Variants in TAF2 observed in about 807,000 individuals in gnomAD.
TAF2 encodes the protein TATA-box binding protein associated factor 2.
A neutral mutation model predicts 138.5 loss-of-function variants in TAF2; 61 were observed. That is an observed-to-expected ratio of 0.44 (90% CI 0.36 to 0.54). TAF2 has a LOEUF of 0.54. Ranked by LOEUF, TAF2 falls within the 20% of genes least tolerant of loss-of-function variation. The probability of loss-of-function intolerance (pLI) is 0.00; values close to 1 mark genes in which losing one functional copy is unlikely to be tolerated. For missense variants in TAF2, 1,090 were observed against 1,427.9 expected (o/e 0.76, Z 3.81); for synonymous variants, 475 against 469.9 (o/e 1.01, Z -0.14).
chr8:119,762,580 A>C lies in TAF2; in HGVS notation c.2393T>G (p.Met798Arg), dbSNP rs1425713518. ...AACAGAGTTGGCCAGGGCATCAATC[A>C]TTTCTGCACGATAATAGTTATCTGA... ...KFSDNYYRAE[M>R]IDALANSVTP... The change falls in exon 19 of 26, where the codon ATG becomes AGG. Residue 798 changes from methionine (M) to arginine (R), a missense_variant. Met to Arg is a moderately conservative substitution (Grantham distance 91, BLOSUM62 -1). Coordinates refer to ENST00000378164, the MANE Select transcript of TAF2 (RefSeq NM_003184.4). The C allele has an allele frequency of 1.2e-6, 2 of 1,613,374 alleles. No individual in the cohort carries two copies. The highest frequency in any genetic ancestry group is 1.7e-5 in the Admixed American group (1 of 60,012).
chr8:119,785,794 G>A (rs1266153046), intron 14 of TAF2, among the ~76,000 whole-genome samples: 1 of 152,070 alleles, frequency 6.6e-6, no homozygotes, highest in Non-Finnish European at 1.5e-5. Context: ...AACTGGGGAA[G>A]GGCAAATAAA....
chr8:119,832,391 C>A, intron 1 of TAF2, 91 bp downstream of exon 1: 1 of 1,236,450 alleles, frequency 8.1e-7, no homozygotes, highest in Non-Finnish European at 1.2e-6. Flanking sequence ...ACTAGGTTTC[C>A]CAGGCCCACC....
At chr8:119,821,425 A>G (rs144251789) in intron 2 of TAF2, among the ~76,000 whole-genome samples, 1,844 of 152,200 alleles carry the variant, frequency 0.012, 22 homozygotes, top group Non-Finnish European at 0.018. Context: ...TCTTGCCTTA[A>G]ATGAAATGGT....
At chr8:119,737,574 T>C (rs1241321147) in intron 25 of TAF2, among the ~76,000 whole-genome samples, 3 of 150,956 alleles carry the variant, frequency 2.0e-5, no homozygotes, top group Admixed American at 6.7e-5. Flanking sequence ...AGTGGCATGA[T>C]TTTGGCTTAC....
At chr8:119,822,346 A>C (rs1276254459) in intron 2 of TAF2, among the ~76,000 whole-genome samples, 2 of 151,814 alleles carry the variant, frequency 1.3e-5, no homozygotes. Flanking sequence ...CTCAGCCTCC[A>C]GAGTAGCTGG....
At chr8:119,820,393 T>C (rs1283155387) in intron 2 of TAF2, among the ~76,000 whole-genome samples, 1 of 152,204 alleles carries the variant, frequency 6.6e-6, no homozygotes, top group South Asian at 2.1e-4. Context: ...AGGACTAGAT[T>C]ATAATGGCTG....
chr8:119,793,473 G>A (rs1405337604), intron 9 of TAF2, 22 bp from the exon 10 acceptor site: 3 of 1,576,864 alleles, frequency 1.9e-6, no homozygotes, highest in Admixed American at 3.4e-5. Flanking sequence ...ATAAAAATAG[G>A]AGTCAGTAAA....
chr8:119,734,866 A>C (rs768631996), intron 25 of TAF2, among the ~76,000 whole-genome samples: 2 of 152,228 alleles, frequency 1.3e-5, no homozygotes, highest in Non-Finnish European at 2.9e-5. Flanking sequence ...TCTCCAGGAA[A>C]GTAATGGTTA....
At chr8:119,820,809 T>C (rs145999501) in intron 2 of TAF2, among the ~76,000 whole-genome samples, 21 of 152,344 alleles carry the variant, frequency 1.4e-4, no homozygotes, top group African/African-American at 5.0e-4. Flanking sequence ...AGCACATATC[T>C]GTGAGCTAGA....
intron 22 of TAF2, among the ~76,000 whole-genome samples, chr8:119,754,651 C>T (rs1042270653): frequency 6.6e-6 from 1 of 151,620 alleles, no homozygotes; most frequent in East Asian, 1.9e-4. Flanking sequence ...CCATTGCACT[C>T]CAGCCTGGGT....
chr8:119,751,727 C>T (rs189720815), intron 22 of TAF2, among the ~76,000 whole-genome samples: 9 of 152,240 alleles, frequency 5.9e-5, no homozygotes, highest in Non-Finnish European at 1.0e-4. Context: ...CCTTTAAAAA[C>T]GACTGCCCCT....
intron 11 of TAF2, among the ~76,000 whole-genome samples, chr8:119,790,991 G>T (rs1823388422): frequency 6.6e-6 from 1 of 151,444 alleles, no homozygotes; most frequent in Non-Finnish European, 1.5e-5. Context: ...GAGATGGGGG[G>T]GGTCTTACTA....
chr8:119,775,155 C>T (rs1018534188), intron 18 of TAF2, among the ~76,000 whole-genome samples: 1 of 151,438 alleles, frequency 6.6e-6, no homozygotes, highest in African/African-American at 2.4e-5. Flanking sequence ...GCAGCTCGTG[C>T]CTGTAATCTC....
intron 3 of TAF2, among the ~76,000 whole-genome samples, chr8:119,813,010 C>G (rs1825204991): frequency 6.6e-6 from 1 of 152,160 alleles, no homozygotes; most frequent in African/African-American, 2.4e-5. Context: ...CTTGAACTCT[C>G]CATACTGTTT....
chr8:119,783,649 ATT>A lies in TAF2; in HGVS notation c.1860-18_1860-17del. 6.2e-7 allele frequency: 1 copy of A among 1,608,898 alleles called. No homozygotes were observed. The highest frequency in any genetic ancestry group is 1.1e-5 in the South Asian group (1 of 89,894). On this transcript the variant is annotated splice_polypyrimidine_tract_variant and intron_variant, in intron 15 of 25. Coordinates refer to ENST00000378164, the MANE Select transcript of TAF2 (RefSeq NM_003184.4). ...GGAATCAGCACTGCAAGAAAATACA[ATT>A]TTCTTTTTAATTTAATTTTTAAACT...
At chr8:119,819,566 CT>C in intron 2 of TAF2, 60 bp from the exon 3 acceptor site, 1 of 1,429,360 alleles carries the variant, frequency 7.0e-7, no homozygotes, top group South Asian at 1.1e-5. Context: ...GAATATATTT[CT>C]TTTATTTTTA....
At position 119,757,586 on chromosome 8, in the gene TAF2, A is replaced by AT. The variant is rs755457771; in HGVS notation, c.2768+486dup. Among the ~76,000 whole-genome samples the AT allele has an allele frequency of 6.0e-3, 841 of 139,348 alleles. 5 individuals are homozygous for AT. The highest frequency in any genetic ancestry group is 0.013 in the African/African-American group (484 of 38,198). The allele number at this position is 139,348 out of a possible 152,430, so 91.4% of individuals were successfully genotyped here. Reference sequence around the variant, plus strand: ...AAATGCCAAGTAAGGTCTGCTAATAATTTTTTTTTTTTTTTTTTTAGCTGA... The same window carrying AT: ...AAATGCCAAGTAAGGTCTGCTAATAATTTTTTTTTTTTTTTTTTTTAGCTGA... On this transcript the variant is annotated intron_variant, in intron 21 of 25. Coordinates refer to ENST00000378164, the MANE Select transcript of TAF2 (RefSeq NM_003184.4).
At chr8:119,803,663 C>A (rs969209996) in intron 5 of TAF2, among the ~76,000 whole-genome samples, 1 of 141,108 alleles carries the variant, frequency 7.1e-6, no homozygotes, top group Non-Finnish European at 1.5e-5. Flanking sequence ...CAGTGTATTC[C>A]AACAAGGGTG....
chr8:119,825,113 C>G (rs1426707915), intron 2 of TAF2, among the ~76,000 whole-genome samples: 1 of 152,246 alleles, frequency 6.6e-6, no homozygotes, highest in Non-Finnish European at 1.5e-5. Flanking sequence ...CGGGAGGCTG[C>G]AACCTGCAAA....
Sources: gnomAD v4.1 joint callset for allele counts (sites outside exome capture counted in the v4.1 genomes callset) on GRCh38, gnomAD v4.1.1 for gene constraint, MANE v1.5 for transcripts, NCBI Gene and HGNC (gene_info 2026-07-23, HGNC 2026-07-21) for gene names.